GSR: variants seen among roughly 807,000 people sequenced by gnomAD.
GSR encodes glutathione-disulfide reductase, also known as glutathione reductase, mitochondrial.
A neutral mutation model predicts 56.5 loss-of-function variants in GSR; 48 were observed. That is an observed-to-expected ratio of 0.85 (90% CI 0.67 to 1.08). GSR has a LOEUF of 1.08. GSR is among the 50% of genes least tolerant of loss of function. The probability of loss-of-function intolerance (pLI) is 0.00; values close to 1 mark genes in which losing one functional copy is unlikely to be tolerated. For synonymous variants in GSR, 264 were observed against 270.8 expected, an observed-to-expected ratio of 0.97 and a Z score of 0.25; for missense variants, 694 against 703.3, an observed-to-expected ratio of 0.99 and a Z score of 0.15.
chr8:30,680,852 C>T, intron 12 of GSR, 52 bp downstream of exon 12: 1 of 1,562,532 alleles, frequency 6.4e-7, no homozygotes, highest in Non-Finnish European at 8.8e-7. Context: ...AAAATACTGC[C>T]ATCCCTGTCC....
In GSR at chr8:30,692,978, C is replaced by A. The variant is rs1166197444; in HGVS notation, c.873G>T (p.Lys291Asn). 6.2e-7 allele frequency: 1 copy of A among 1,609,240 alleles called. No homozygotes were observed. Among genetic ancestry groups the A allele is most frequent in the South Asian group, 1.1e-5 (1 of 90,996 alleles). Residue 291 changes from lysine to asparagine, a missense_variant, in exon 8 of 13, where the codon AAG becomes AAT. Coordinates refer to ENST00000221130, the MANE Select transcript of GSR (RefSeq NM_000637.5). ...GGGCTTGGCACTGTACCTGGGAGAA[C>A]TTCAGCACCTCCACGCCAGCGTTCT... is the stretch of plus-strand genomic sequence containing the variant. ...ELENAGVEVL[K>N]FSQVKEVKKT...
At chr8:30,717,468 G>A (rs73245401) in intron 1 of GSR, among the ~76,000 whole-genome samples, 15,808 of 151,900 alleles carry the variant, frequency 0.1, 895 homozygotes, top group South Asian at 0.14. Flanking sequence ...GGTGAGTGGC[G>A]GGCAAGTGAG....
chr8:30,681,959 GGGTGGCTGAAGACC>G lies in GSR; in HGVS notation c.1242_1255del (p.Val415ProfsTer11). ...CGTGAGTCCCACTGTCCCAATAGGG[GGGTGGCTGAAGACC>G]ACAGTTGGGATGTTGTTATAATCTA... On this transcript the variant is annotated frameshift_variant, in exon 11 of 13. Transcript: ENST00000221130. LOFTEE classifies it high-confidence loss of function. The G allele has an allele frequency of 2.5e-6, 4 of 1,613,492 alleles. No individual in the cohort carries two copies. In the African/African-American group the frequency reaches 4.0e-5, roughly 16 times the overall value.
rs1312572530 is a variant in GSR, at chr8:30,710,762, A to T, written c.334-860T>A. 1.7e-3 allele frequency among the ~76,000 whole-genome samples: 247 copies of T among 145,094 alleles called. 1 individual carries two copies. Among genetic ancestry groups the T allele is most frequent in the African/African-American group, 5.8e-3 (217 of 37,536 alleles). ...AAAAAAAAAGAAAAGAAAAAAAAGAAAAAAAAATATATAAATGAACATACA... is the reference window on the plus strand; with the variant it reads ...AAAAAAAAAGAAAAGAAAAAAAAGATAAAAAAATATATAAATGAACATACA... On this transcript the variant is annotated intron_variant, in intron 2 of 12. Coordinates refer to ENST00000221130, the MANE Select transcript of GSR (RefSeq NM_000637.5).
intron 1 of GSR, among the ~76,000 whole-genome samples, chr8:30,718,552 G>A (rs1804421160): frequency 6.6e-6 from 1 of 152,242 alleles, no homozygotes; most frequent in East Asian, 1.9e-4. Flanking sequence ...GAAAGGCGGA[G>A]ATAAATTCCC....
At chr8:30,726,442 G>A (rs1056480342) in intron 1 of GSR, among the ~76,000 whole-genome samples, 3 of 152,064 alleles carry the variant, frequency 2.0e-5, no homozygotes, top group African/African-American at 7.2e-5. Context: ...AAAAGGGCGG[G>A]CACACCAATA....
rs572441888 is a variant in GSR at position 30,716,755 on chromosome 8, C to T, written c.307-4667G>A. ...TTGGGAGGTCAAGGCTACAGTGAGC[C>T]GAGATAGCACCACTGCACTCCAGCT... is the stretch of plus-strand genomic sequence containing the variant. On this transcript the variant is annotated intron_variant, in intron 1 of 12. Coordinates refer to ENST00000221130, the MANE Select transcript of GSR (RefSeq NM_000637.5). Among the ~76,000 whole-genome samples, 21 of 151,600 alleles carry T rather than the reference C, an allele frequency of 1.4e-4. 1 individual carries two copies. The highest frequency in any genetic ancestry group is 6.6e-4 in the Admixed American group (10 of 15,208).
intron 5 of GSR, 125 bp downstream of exon 5, chr8:30,702,968 C>T: frequency 1.0e-6 from 1 of 997,954 alleles, no homozygotes; most frequent in Non-Finnish European, 1.6e-6. Context: ...TCTGCAGAGA[C>T]CTTCTCCCAT....
chr8:30,709,542 G>A (rs964935929), intron 3 of GSR, among the ~76,000 whole-genome samples: 2 of 152,156 alleles, frequency 1.3e-5, no homozygotes, highest in Non-Finnish European at 2.9e-5. Flanking sequence ...GGGGCCAGGG[G>A]GAGAAGAGAA....
rs1802929782 is a variant in GSR, at chr8:30,680,900, T to C, written c.1419+4A>G. 4 of 1,613,346 alleles carry C rather than the reference T, an allele frequency of 2.5e-6. No homozygotes were observed. The highest frequency in any genetic ancestry group is 1.3e-5 in the African/African-American group (1 of 75,056). ...ACTATTTAGTTTGCTGGATTTTTCC[T>C]TACCTTTTCTTCCTTGTTAGCACAG... On this transcript the variant is annotated splice_donor_region_variant and intron_variant, in intron 12 of 12. Coordinates refer to ENST00000221130, the MANE Select transcript of GSR (RefSeq NM_000637.5).
intron 8 of GSR, among the ~76,000 whole-genome samples, 185 bp downstream of exon 8, chr8:30,692,784 G>A (rs1344880403): frequency 2.0e-5 from 3 of 152,062 alleles, no homozygotes; most frequent in African/African-American, 4.8e-5. Context: ...TTACAAGTGT[G>A]AGCCACCGCA....
chr8:30,725,106 T>G (rs8190907), intron 1 of GSR, among the ~76,000 whole-genome samples: 17,993 of 152,072 alleles, frequency 0.12, 3,330 homozygotes, highest in African/African-American at 0.39. Context: ...AATGTTTATA[T>G]CTATCGTTTT....
chr8:30,697,703 G>A (rs1169465072), intron 6 of GSR, among the ~76,000 whole-genome samples: 1 of 152,098 alleles, frequency 6.6e-6, no homozygotes, highest in Non-Finnish European at 1.5e-5. Flanking sequence ...AAGCTCTTTA[G>A]CCTCATTTCT....
At chr8:30,715,436 G>A (rs959307578) in intron 1 of GSR, among the ~76,000 whole-genome samples, 2 of 152,130 alleles carry the variant, frequency 1.3e-5, no homozygotes, top group African/African-American at 2.4e-5. Flanking sequence ...TCTAAGAAAG[G>A]AGGACGCACA....
chr8:30,714,201 G>C (rs1010678282), intron 1 of GSR, among the ~76,000 whole-genome samples: 1 of 96,770 alleles, frequency 1.0e-5, no homozygotes, highest in African/African-American at 3.7e-5. Context: ...TGTTCTATAT[G>C]CTTTTTTTTT....
intron 7 of GSR, among the ~76,000 whole-genome samples, chr8:30,695,481 G>C (rs759441952): frequency 1.3e-5 from 2 of 151,946 alleles, no homozygotes; most frequent in Non-Finnish European, 2.9e-5. Context: ...TGATCCGCCC[G>C]CCTCAGCCTC....
chr8:30,726,380 G>T (rs993937489), intron 1 of GSR, among the ~76,000 whole-genome samples: 16 of 152,108 alleles, frequency 1.1e-4, no homozygotes, highest in African/African-American at 3.9e-4. Context: ...CCAAATCCCA[G>T]GTTCCTCTTG....
At chr8:30,719,736 C>T (rs1252058830) in intron 1 of GSR, among the ~76,000 whole-genome samples, 9 of 152,088 alleles carry the variant, frequency 5.9e-5, no homozygotes, top group Non-Finnish European at 8.8e-5. Context: ...ATCAGTGGGC[C>T]GCCTGTTATC....
chr8:30,688,277 T>C (rs1020252235), intron 9 of GSR, among the ~76,000 whole-genome samples: 1 of 152,032 alleles, frequency 6.6e-6, no homozygotes, highest in African/African-American at 2.4e-5. Flanking sequence ...AATAGGAAAC[T>C]AGGTTAGAGG....
Sources: allele counts gnomAD v4.1 joint callset (sites outside exome capture counted in the v4.1 genomes callset), GRCh38; gene constraint gnomAD v4.1.1; transcripts MANE v1.5; gene names NCBI Gene and HGNC (gene_info 2026-07-23, HGNC 2026-07-21).